PCDHA5: variants seen among roughly 807,000 people sequenced by gnomAD.
PCDHA5 encodes protocadherin alpha 5.
In PCDHA5, 43 loss-of-function variants were observed where a neutral mutation model predicts 61.6. That is an observed-to-expected ratio of 0.70 (90% CI 0.55 to 0.90). PCDHA5 has a LOEUF of 0.90. Among genes scored for constraint, PCDHA5 ranks in the 40% least tolerant of loss-of-function variants. PCDHA5 has a pLI of 0.00. For synonymous variants in PCDHA5, 627 were observed against 543.9 expected (o/e 1.15, Z -2.13); for missense variants, 1,298 against 1,222.7 (o/e 1.06, Z -0.92).
chr5:141,004,094 G>A (rs962663466), intron 3 of PCDHA5, among the ~76,000 whole-genome samples: 1 of 152,194 alleles, frequency 6.6e-6, no homozygotes, highest in Non-Finnish European at 1.5e-5. Context: ...TGCTTCTTCC[G>A]TTTTCATCTT....
In PCDHA5 at chr5:140,961,268, T is replaced by C. The variant is rs116524101; in HGVS notation, c.2353-17681T>C. Reference sequence around the variant, plus strand: ...TATCCGAAGCTCCAGGAAGCTTCTTTTTACCATGGCTCTGTTTCTTGAGGT... The same window carrying C: ...TATCCGAAGCTCCAGGAAGCTTCTTCTTACCATGGCTCTGTTTCTTGAGGT... On this transcript the variant is annotated intron_variant, in intron 1 of 3. Coordinates refer to ENST00000529859, the MANE Select transcript of PCDHA5 (RefSeq NM_018908.3). Among the ~76,000 whole-genome samples the C allele has an allele frequency of 5.5e-3, 833 of 152,318 alleles. 9 individuals carry two copies. The highest frequency in any genetic ancestry group is 0.019 in the African/African-American group (777 of 41,562).
intron 1 of PCDHA5, among the ~76,000 whole-genome samples, chr5:140,925,108 G>A (rs77719760): frequency 1.1e-3 from 139 of 124,762 alleles, no homozygotes; most frequent in African/African-American, 2.5e-3. Flanking sequence ...GAAGGAAGGA[G>A]GGAAGGAAGG....
At chr5:140,933,512 A>C (rs2089201610) in intron 1 of PCDHA5, among the ~76,000 whole-genome samples, 1 of 152,078 alleles carries the variant, frequency 6.6e-6, no homozygotes, top group African/African-American at 2.4e-5. Context: ...CAAAGACTAC[A>C]GCTGTTTTGT....
Position 140,823,379 on chromosome 5 carries a change from G to A in PCDHA5, c.1604G>A (p.Ser535Asn). 6.2e-7 allele frequency: 1 copy of A among 1,612,650 alleles called. No individual in the cohort carries two copies. The highest frequency in any genetic ancestry group is 1.1e-5 in the South Asian group (1 of 91,024). ...EEVELLQFQV[S>N]ARDAGVPPLG... ...GTGGAGCTGCTGCAGTTCCAGGTGA[G>A]CGCGCGCGACGCGGGCGTGCCGCCT... The change falls in exon 1 of 4, where the codon AGC becomes AAC. Residue 535 changes from serine (S) to asparagine (N), a missense_variant. By Grantham distance (46) the Ser-to-Asn change is conservative. Transcript: ENST00000529859.
Position 140,822,973 on chromosome 5 carries a change from T to G in PCDHA5, c.1198T>G (p.Phe400Val). The G allele has an allele frequency of 6.2e-7, 1 of 1,614,248 alleles. No individual in the cohort carries two copies. Among genetic ancestry groups the G allele is most frequent in the Non-Finnish European group, 8.5e-7 (1 of 1,180,046 alleles). The change falls in exon 1 of 4, where the codon TTC (phenylalanine) becomes GTC (valine). Residue 400 changes from phenylalanine to valine, a missense_variant. Coordinates refer to ENST00000529859, the MANE Select transcript of PCDHA5 (RefSeq NM_018908.3). ...PHVPFKLVST[F>V]KNYYSLVLDS... is the part of the protein sequence containing the mutation. ...CGTTCCCTTCAAGCTGGTGTCCACC[T>G]TCAAGAATTACTACTCGTTGGTGCT...
chr5:140,834,297 C>A, intron 1 of PCDHA5: 1 of 1,251,394 alleles, frequency 8.0e-7, no homozygotes, highest in Non-Finnish European at 1.1e-6. Context: ...AATGGCCACA[C>A]ATCGAGATTG....
chr5:140,958,677 G>C (rs917513084), intron 1 of PCDHA5, among the ~76,000 whole-genome samples: 3 of 152,090 alleles, frequency 2.0e-5, no homozygotes, highest in Non-Finnish European at 2.9e-5. Context: ...TAATTATAAA[G>C]GATATTGAAT....
chr5:140,996,111 G>C (rs981356405), intron 3 of PCDHA5, among the ~76,000 whole-genome samples: 1 of 152,220 alleles, frequency 6.6e-6, no homozygotes, highest in East Asian at 1.9e-4. Context: ...GTATGGAAGT[G>C]TGCAGGGTGG....
intron 1 of PCDHA5, among the ~76,000 whole-genome samples, chr5:140,914,813 C>T (rs1346638828): frequency 6.6e-6 from 1 of 152,070 alleles, no homozygotes; most frequent in Non-Finnish European, 1.5e-5. Flanking sequence ...GGCAACTTAA[C>T]AGACTGCATA....
At chr5:140,977,256 C>T (rs1304967733) in intron 1 of PCDHA5, among the ~76,000 whole-genome samples, 1 of 152,164 alleles carries the variant, frequency 6.6e-6, no homozygotes, top group Non-Finnish European at 1.5e-5. Flanking sequence ...CATTTCTCAG[C>T]AGATGTTACA....
chr5:140,949,992 G>A (rs2094439293), intron 1 of PCDHA5, among the ~76,000 whole-genome samples: 1 of 151,522 alleles, frequency 6.6e-6, no homozygotes, highest in African/African-American at 2.4e-5. Flanking sequence ...ACTTTTCTCA[G>A]TCCACTTAAT....
intron 1 of PCDHA5, chr5:140,855,950 C>A: frequency 7.3e-7 from 1 of 1,363,922 alleles, no homozygotes; most frequent in Non-Finnish European, 1.0e-6. Flanking sequence ...TCAGCCATTT[C>A]GATAAAAAAT....
chr5:140,927,499 C>G (rs781977423), intron 1 of PCDHA5: 1 of 1,614,136 alleles, frequency 6.2e-7, no homozygotes, highest in Admixed American at 1.7e-5. Context: ...CCTGCTGGTG[C>G]TTACAGCTCG....
At chr5:140,926,598 G>A (rs2083387215) in intron 1 of PCDHA5, 1 of 313,802 alleles carries the variant, frequency 3.2e-6, no homozygotes. Flanking sequence ...CGGGCGGGCG[G>A]CCTCGTCTCT....
chr5:140,870,421 G>A (rs782065685), intron 1 of PCDHA5: 1 of 1,614,216 alleles, frequency 6.2e-7, no homozygotes, highest in Non-Finnish European at 8.5e-7. Flanking sequence ...CACGGCCAGG[G>A]TATCCGTGGA....
intron 3 of PCDHA5, among the ~76,000 whole-genome samples, chr5:141,007,707 C>T (rs1027610738): frequency 6.6e-6 from 1 of 152,172 alleles, no homozygotes; most frequent in Non-Finnish European, 1.5e-5. Context: ...CCTCTGCCTC[C>T]CACCACCAGG....
At chr5:140,927,118 G>A in intron 1 of PCDHA5, 2 of 1,613,946 alleles carry the variant, frequency 1.2e-6, no homozygotes, top group Non-Finnish European at 1.7e-6. Context: ...CGGCAATTTG[G>A]TGGTCAGAGA....
chr5:140,824,019 G>T lies in PCDHA5; in HGVS notation c.2244G>T (p.Ser748=). The T allele has an allele frequency of 2.5e-6, 4 of 1,614,082 alleles. No homozygotes were observed. The highest frequency in any genetic ancestry group is 3.4e-6 in the Non-Finnish European group (4 of 1,179,996). ...LLCSSAVGSW[S]YSQQRRQRVC... Reference sequence around the variant, plus strand: ...GCTCCAGCGCGGTGGGGAGCTGGTCGTACTCGCAGCAGAGGAGACAGAGGG... The same window carrying T: ...GCTCCAGCGCGGTGGGGAGCTGGTCTTACTCGCAGCAGAGGAGACAGAGGG... Residue 748 remains serine, a synonymous_variant, in exon 1 of 4, where the codon TCG becomes TCT. Transcript: ENST00000529859.
chr5:140,841,405 C>T (rs2150314710), intron 1 of PCDHA5: 41 of 1,612,992 alleles, frequency 2.5e-5, no homozygotes, highest in Non-Finnish European at 3.4e-5. Flanking sequence ...AGGTGGGGAG[C>T]GGCCAGCTCC....
Sources: allele counts gnomAD v4.1 joint callset (sites outside exome capture counted in the v4.1 genomes callset), GRCh38; gene constraint gnomAD v4.1.1; transcripts MANE v1.5; gene names NCBI Gene and HGNC (gene_info 2026-07-23, HGNC 2026-07-21).